The following SLC7A1 variants were observed in gnomAD, a reference collection of about 807,000 sequenced individuals.
SLC7A1 encodes solute carrier family 7 member 1, also known as high affinity cationic amino acid transporter 1.
A neutral mutation model predicts 53.9 loss-of-function variants in SLC7A1; 10 were observed. The observed-to-expected ratio is 0.19, with a 90% CI of 0.11 to 0.31. The LOEUF is 0.31. SLC7A1 is among the 10% of genes least tolerant of loss of function. The pLI, the probability that SLC7A1 is intolerant of heterozygous loss-of-function variation, is 1.00. For missense variants in SLC7A1, 525 were observed against 827.2 expected, an observed-to-expected ratio of 0.63 and a Z score of 4.48; for synonymous variants, 342 against 338.7, an observed-to-expected ratio of 1.01 and a Z score of -0.11.
At chr13:29,543,864 C>T (rs1301056135) in intron 2 of SLC7A1, among the ~76,000 whole-genome samples, 3 of 151,874 alleles carry the variant, frequency 2.0e-5, no homozygotes, top group South Asian at 2.1e-4. Flanking sequence ...CGGGGACATG[C>T]GGGGAGGAGA....
intron 5 of SLC7A1, among the ~76,000 whole-genome samples, chr13:29,529,503 C>T (rs1343208827): frequency 6.6e-6 from 1 of 152,226 alleles, no homozygotes; most frequent in Non-Finnish European, 1.5e-5. Context: ...CTCCTCTACG[C>T]TCTCTTTTCC....
At chr13:29,517,462 G>T in intron 10 of SLC7A1, 111 bp downstream of exon 10, 1 of 1,219,832 alleles carries the variant, frequency 8.2e-7, no homozygotes, top group Non-Finnish European at 1.2e-6. Context: ...TCCCAGTCCA[G>T]GAGCAAGACA....
rs367914292 is a variant in SLC7A1, at chr13:29,567,704, AAAG to A, written c.-114-13847_-114-13845del. ...GCAACCCGGACAGTGCGGCAGTTCT[AAAG>A]AAGCCCACAAAGACAAATAAGTCTC... is the stretch of plus-strand genomic sequence containing the variant. On this transcript the variant is annotated intron_variant, in intron 1 of 12. Coordinates refer to ENST00000380752, the MANE Select transcript of SLC7A1 (RefSeq NM_003045.5). 3.4e-3 allele frequency among the ~76,000 whole-genome samples: 518 copies of A among 152,272 alleles called. 4 individuals are homozygous for A. Among genetic ancestry groups the A allele is most frequent in the African/African-American group, 0.012 (486 of 41,550 alleles).
chr13:29,571,490 G>A (rs1334868519), intron 1 of SLC7A1, among the ~76,000 whole-genome samples: 1 of 152,200 alleles, frequency 6.6e-6, no homozygotes, highest in East Asian at 1.9e-4. Flanking sequence ...GGCCATGGCT[G>A]TGGCCTTTCT....
intron 2 of SLC7A1, among the ~76,000 whole-genome samples, chr13:29,539,232 C>A (rs753545019): frequency 1.1e-4 from 17 of 152,134 alleles, no homozygotes; most frequent in Non-Finnish European, 2.1e-4. Flanking sequence ...ACAAGAGGAA[C>A]CAAACAGATT....
Position 29,535,985 on chromosome 13 carries a change from G to A in SLC7A1, c.204C>T (p.Ile68=). Residue 68 remains isoleucine (I), a synonymous_variant, in exon 3 of 13, where the codon ATC becomes ATT. Coordinates refer to ENST00000380752, the MANE Select transcript of SLC7A1 (RefSeq NM_003045.5). ...ARENAGPAIV[I]SFLIAALASV... ...AGGCCAGCGCAGCGATCAGGAAGGA[G>A]ATGACAATGGCAGGGCCTGCATTCT... The A allele has an allele frequency of 6.2e-7, 1 of 1,614,166 alleles. No homozygotes were observed. The highest frequency in any genetic ancestry group is 8.5e-7 in the Non-Finnish European group (1 of 1,180,044).
intron 1 of SLC7A1, among the ~76,000 whole-genome samples, chr13:29,588,691 C>T (rs1419757630): frequency 6.6e-6 from 1 of 151,958 alleles, no homozygotes; most frequent in Non-Finnish European, 1.5e-5. Context: ...TTTTCGTAGA[C>T]ATGAGTTTCA....
chr13:29,565,588 C>T (rs1870935131), intron 1 of SLC7A1, among the ~76,000 whole-genome samples: 1 of 152,190 alleles, frequency 6.6e-6, no homozygotes, highest in Non-Finnish European at 1.5e-5. Context: ...GTACACTCTC[C>T]AGTGACTCAG....
Position 29,522,372 on chromosome 13 carries a change from G to A in SLC7A1, c.1134C>T (p.Val378=). ...TTATTGGTGTTTTGGTCCTATCATT[G>A]ACGTTGGCTAAGAATTTAAATAGCA... ...DGLLFKFLAN[V]NDRTKTPIIA... The change falls in exon 8 of 13, where the codon GTC becomes GTT. Residue 378 remains valine (V), a synonymous_variant. Coordinates refer to ENST00000380752, the MANE Select transcript of SLC7A1 (RefSeq NM_003045.5). 6.2e-7 allele frequency: 1 copy of A among 1,614,186 alleles called. No individual in the cohort carries two copies. The highest frequency in any genetic ancestry group is 8.5e-7 in the Non-Finnish European group (1 of 1,180,012).
chr13:29,535,547 C>A (rs910860359), intron 3 of SLC7A1, among the ~76,000 whole-genome samples: 3 of 152,200 alleles, frequency 2.0e-5, no homozygotes, highest in African/African-American at 7.2e-5. Context: ...GAATTAGTTT[C>A]TCCATGTTGT....
At chr13:29,585,039 T>C (rs1380262615) in intron 1 of SLC7A1, among the ~76,000 whole-genome samples, 1 of 152,200 alleles carries the variant, frequency 6.6e-6, no homozygotes, top group African/African-American at 2.4e-5. Flanking sequence ...CCAGGCCACC[T>C]TTGGGACACC....
In SLC7A1 at chr13:29,523,532, G is replaced by A. The variant is rs1291920164; in HGVS notation, c.827-44C>T. 4 of 1,439,562 alleles carry A rather than the reference G, an allele frequency of 2.8e-6. No homozygotes were observed. In the African/African-American group the frequency reaches 5.6e-5, roughly 20 times the overall value. 89.2% of individuals were successfully genotyped at this position (1,439,562 alleles called of 1,614,324 possible). A position where few individuals can be genotyped will look rare whatever the true frequency, so the allele number is the denominator to read the frequency against. ...AGCGGAGGAGGGCACACAGCAAGAG[G>A]CAGTGTATCTGCCCACATGACACCC... is the stretch of plus-strand genomic sequence containing the variant. On this transcript the variant is annotated intron_variant, in intron 6 of 12. Coordinates refer to ENST00000380752, the MANE Select transcript of SLC7A1 (RefSeq NM_003045.5).
intron 1 of SLC7A1, among the ~76,000 whole-genome samples, chr13:29,581,613 A>T (rs1871650018): frequency 6.6e-6 from 1 of 152,196 alleles, no homozygotes. Context: ...TGTCCCCTCT[A>T]AGTGGCATTC....
At chr13:29,594,026 C>T (rs187475985) in intron 1 of SLC7A1, among the ~76,000 whole-genome samples, 1 of 152,110 alleles carries the variant, frequency 6.6e-6, no homozygotes, top group Non-Finnish European at 1.5e-5. Flanking sequence ...TAAATAAGAC[C>T]TTTTGTTTTA....
chr13:29,585,164 G>A (rs960173371), intron 1 of SLC7A1, among the ~76,000 whole-genome samples: 1 of 152,164 alleles, frequency 6.6e-6, no homozygotes, highest in Admixed American at 6.5e-5. Context: ...TCATCACAGA[G>A]AATAATGTCC....
At position 29,559,720 on chromosome 13, in the gene SLC7A1, C is replaced by CT. The variant is rs745855245; in HGVS notation, c.-114-5861dup. ...TTACTTTACAAACTTTTTTGTAACT[C>CT]TTTTTTTTTTTTTGAGATGGAGTCT... On this transcript the variant is annotated intron_variant, in intron 1 of 12. Coordinates refer to ENST00000380752, the MANE Select transcript of SLC7A1 (RefSeq NM_003045.5). Among the ~76,000 whole-genome samples the CT allele has an allele frequency of 5.1e-3, 745 of 145,782 alleles. 3 individuals are homozygous for CT. The highest frequency in any genetic ancestry group is 0.011 in the African/African-American group (429 of 40,018).
In SLC7A1 at chr13:29,510,133, T is replaced by C. The variant is rs1316132506; in HGVS notation, c.*4347A>G. 1 of 152,568 alleles carries C rather than the reference T, an allele frequency of 6.6e-6. No individual in the cohort carries two copies. Among genetic ancestry groups the C allele is most frequent in the African/African-American group, 2.4e-5 (1 of 41,428 alleles). The allele number at this position is 152,568 out of a possible 1,614,324, so 9.5% of individuals were successfully genotyped here. A position where few individuals can be genotyped will look rare whatever the true frequency, so the allele number is the denominator to read the frequency against. ...AGCTTGGCCAAGGTACTCCATCTCC[T>C]GTGGGGTTTTCAGCTGGCACTCAGC... is the stretch of plus-strand genomic sequence containing the variant. On this transcript the variant is annotated 3_prime_UTR_variant, in exon 13 of 13. Coordinates refer to ENST00000380752, the MANE Select transcript of SLC7A1 (RefSeq NM_003045.5).
At chr13:29,587,205 G>A (rs749960521) in intron 1 of SLC7A1, among the ~76,000 whole-genome samples, 32 of 152,194 alleles carry the variant, frequency 2.1e-4, no homozygotes, top group Admixed American at 3.9e-4. Flanking sequence ...GGACAATGAC[G>A]TAGTAGCTTC....
chr13:29,515,846 C>T (rs1031023659), intron 12 of SLC7A1, among the ~76,000 whole-genome samples: 2 of 152,268 alleles, frequency 1.3e-5, no homozygotes, highest in Non-Finnish European at 1.5e-5. Flanking sequence ...AGGCACAGGC[C>T]AGACTTTCCT....
Sources: gnomAD v4.1 joint callset for allele counts (sites outside exome capture counted in the v4.1 genomes callset) on GRCh38, gnomAD v4.1.1 for gene constraint, MANE v1.5 for transcripts, NCBI Gene and HGNC (gene_info 2026-07-23, HGNC 2026-07-21) for gene names.